PEPD: variants seen among roughly 807,000 people sequenced by gnomAD.
The protein encoded by PEPD is peptidase D.
PEPD carries 53 observed loss-of-function variants against 60.7 expected under a neutral mutation model. The observed-to-expected ratio is 0.87, with a 90% CI of 0.70 to 1.10. The LOEUF is 1.10. PEPD is among the 50% of genes least tolerant of loss of function. The pLI, the probability that PEPD is intolerant of heterozygous loss-of-function variation, is 0.00. For missense variants in PEPD, 711 were observed against 711.9 expected, an observed-to-expected ratio of 1.00 and a Z score of 0.01; for synonymous variants, 267 against 284.1, an observed-to-expected ratio of 0.94 and a Z score of 0.60.
chr19:33,432,509 C>T (rs373618788), intron 9 of PEPD, among the ~76,000 whole-genome samples: 1 of 152,186 alleles, frequency 6.6e-6, no homozygotes, highest in Admixed American at 6.5e-5. Context: ...GGGCAGAACC[C>T]GCAGCTCTGA....
chr19:33,503,959 C>A (rs1970756139), intron 3 of PEPD, among the ~76,000 whole-genome samples: 1 of 152,120 alleles, frequency 6.6e-6, no homozygotes, highest in Non-Finnish European at 1.5e-5. Context: ...CGGAGGGAAG[C>A]CACCAGGAAA....
intron 3 of PEPD, among the ~76,000 whole-genome samples, chr19:33,507,915 G>A (rs1315117806): frequency 6.6e-6 from 1 of 152,124 alleles, no homozygotes; most frequent in East Asian, 1.9e-4. Context: ...AGGGAGCCAG[G>A]ACAGCAGGAC....
chr19:33,399,984 G>A (rs1320303457), intron 12 of PEPD, among the ~76,000 whole-genome samples: 1 of 152,186 alleles, frequency 6.6e-6, no homozygotes, highest in African/African-American at 2.4e-5. Flanking sequence ...CAGAGCTGGG[G>A]CTGGGCTCGG....
rs1360794832 is a variant in PEPD at position 33,434,221 on chromosome 19, G to A, written c.672-20578C>T. ...CACTGCCCGACAGTTCTCCCTGTAT[G>A]GACACCCACAGTTTACCCACCCGCC... On this transcript the variant is annotated intron_variant, in intron 9 of 14. Coordinates refer to ENST00000244137, the MANE Select transcript of PEPD (RefSeq NM_000285.4). Among the ~76,000 whole-genome samples the A allele has an allele frequency of 3.9e-5, 6 of 152,182 alleles. No individual in the cohort carries two copies. In the East Asian group the frequency reaches 1.2e-3, roughly 29 times the overall value.
At chr19:33,395,340 A>G (rs1968335631) in intron 12 of PEPD, among the ~76,000 whole-genome samples, 1 of 152,134 alleles carries the variant, frequency 6.6e-6, no homozygotes, top group Non-Finnish European at 1.5e-5. Flanking sequence ...CATGCTGCGG[A>G]TGCTTGGTAA....
chr19:33,436,994 G>T (rs757150673), intron 9 of PEPD, among the ~76,000 whole-genome samples: 4 of 152,174 alleles, frequency 2.6e-5, no homozygotes, highest in Non-Finnish European at 4.4e-5. Flanking sequence ...TGGAGGAGGA[G>T]GAAAGAAAAA....
At chr19:33,414,683 C>T (rs1026923411) in intron 9 of PEPD, among the ~76,000 whole-genome samples, 2 of 147,270 alleles carry the variant, frequency 1.4e-5, no homozygotes, top group African/African-American at 5.0e-5. Context: ...CCTTAGAGAA[C>T]GTCCATACGA....
At chr19:33,393,231 C>CAGGGTCT (rs1190186607) in intron 12 of PEPD, among the ~76,000 whole-genome samples, 11 of 85,678 alleles carry the variant, frequency 1.3e-4, no homozygotes, top group African/African-American at 4.1e-4. Flanking sequence ...GAGGCCGTCC[C>CAGGGTCT]GGGGTCTGGG....
chr19:33,387,650 C>T, intron 14 of PEPD, 169 bp from the exon 15 acceptor site: 1 of 889,972 alleles, frequency 1.1e-6, no homozygotes, highest in Non-Finnish European at 1.8e-6. Flanking sequence ...ATGTCACCTG[C>T]TCACCCTGTC....
chr19:33,489,975 C>T (rs777433088), intron 6 of PEPD, 21 bp downstream of exon 6: 1 of 1,519,628 alleles, frequency 6.6e-7, no homozygotes, highest in Admixed American at 1.7e-5. Context: ...GGGAAAGAGT[C>T]CCTGGGGGCC....
chr19:33,481,619 T>A (rs920730954), intron 6 of PEPD, among the ~76,000 whole-genome samples: 4 of 151,910 alleles, frequency 2.6e-5, no homozygotes, highest in African/African-American at 9.7e-5. Context: ...TAACAAGAGA[T>A]CAAATTTGTA....
intron 12 of PEPD, among the ~76,000 whole-genome samples, chr19:33,395,746 G>A (rs889481675): frequency 1.3e-5 from 2 of 152,226 alleles, no homozygotes; most frequent in African/African-American, 4.8e-5. Context: ...AGCATCCTCA[G>A]AGCTGCCTCC....
At chr19:33,494,094 C>T (rs113052821) in intron 4 of PEPD, among the ~76,000 whole-genome samples, 1 of 152,220 alleles carries the variant, frequency 6.6e-6, no homozygotes, top group East Asian at 1.9e-4. Flanking sequence ...ATTCCCCCAG[C>T]AAAGTGCCAT....
chr19:33,434,666 A>T (rs1020864935), intron 9 of PEPD, among the ~76,000 whole-genome samples: 8 of 151,948 alleles, frequency 5.3e-5, no homozygotes, highest in Admixed American at 5.2e-4. Flanking sequence ...GTGAATGAGG[A>T]AAGGGCAGTA....
Position 33,411,668 on chromosome 19 carries a change from T to C in PEPD, c.818+4A>G. ...ACAGAGCCAGGGCCGCTGGCCCTAC[T>C]TACCACATATCCCCATTCTGGATCG... is the stretch of plus-strand genomic sequence containing the variant. On this transcript the variant is annotated splice_donor_region_variant and intron_variant, in intron 11 of 14. Transcript: ENST00000244137. 6.3e-7 allele frequency: 1 copy of C among 1,579,978 alleles called. No individual in the cohort carries two copies. Among genetic ancestry groups the C allele is most frequent in the Non-Finnish European group, 8.7e-7 (1 of 1,149,388 alleles).
At chr19:33,433,387 T>C (rs1969312848) in intron 9 of PEPD, among the ~76,000 whole-genome samples, 1 of 152,178 alleles carries the variant, frequency 6.6e-6, no homozygotes, top group Non-Finnish European at 1.5e-5. Flanking sequence ...CTTGAGACAC[T>C]CTTGGAATAA....
chr19:33,427,724 A>G (rs756483886), intron 9 of PEPD, among the ~76,000 whole-genome samples: 9 of 134,822 alleles, frequency 6.7e-5, no homozygotes, highest in Non-Finnish European at 1.4e-4. Context: ...ATTCAAAAGG[A>G]AGCCTTAACA....
Position 33,504,915 on chromosome 19 carries a change from G to C in PEPD, c.330-3914C>G, listed in dbSNP as rs1369005833. 7.9e-5 allele frequency among the ~76,000 whole-genome samples: 12 copies of C among 152,124 alleles called. 1 individual carries two copies. Among genetic ancestry groups the C allele is most frequent in the Admixed American group, 7.9e-4 (12 of 15,272 alleles). On this transcript the variant is annotated intron_variant, in intron 3 of 14. Transcript: ENST00000244137. Reference sequence around the variant, plus strand: ...CCAAAGGGGCTCTCGTCCTCCACAGGGGTCAGCATCCAGGGACCCCAGTTG... The same window carrying C: ...CCAAAGGGGCTCTCGTCCTCCACAGCGGTCAGCATCCAGGGACCCCAGTTG...
At position 33,511,008 on chromosome 19, in the gene PEPD, C is replaced by A; in HGVS notation, c.329+20G>T. ...GCCCATGGTTGGTAGCCATGGTGCC[C>A]TGGCCAGGCTGCTCCTTACTTTCCC... On this transcript the variant is annotated intron_variant, in intron 3 of 14. Transcript: ENST00000244137. 1 of 1,609,968 alleles carries A rather than the reference C, an allele frequency of 6.2e-7. No homozygotes were observed. The highest frequency in any genetic ancestry group is 2.2e-5 in the East Asian group (1 of 44,662).
Sources: allele counts gnomAD v4.1 joint callset (sites outside exome capture counted in the v4.1 genomes callset), GRCh38; gene constraint gnomAD v4.1.1; transcripts MANE v1.5; gene names NCBI Gene and HGNC (gene_info 2026-07-23, HGNC 2026-07-21).